Variants in SI observed in about 807,000 individuals in gnomAD.
SI encodes sucrase-isomaltase, also known as sucrase-isomaltase, intestinal.
A neutral mutation model predicts 253.3 loss-of-function variants in SI; 235 were observed. That is an observed-to-expected ratio of 0.93 (90% CI 0.83 to 1.03). The LOEUF is 1.03. Ranked by LOEUF, SI falls within the 50% of genes least tolerant of loss-of-function variation. The pLI is 0.00. For synonymous variants in SI, 819 were observed against 712.0 expected (o/e 1.15, Z -2.39); for missense variants, 2,442 against 2,211.1 (o/e 1.10, Z -2.09).
intron 12 of SI, 151 bp from the exon 13 acceptor site, chr3:165,055,458 T>C (rs370084554): frequency 3.6e-6 from 2 of 558,000 alleles, no homozygotes. Flanking sequence ...TACAAGAATA[T>C]CATGACTTTA....
At chr3:164,994,435 A>G (rs749056136) in intron 40 of SI, 30 bp from the exon 41 acceptor site, 1 of 1,606,776 alleles carries the variant, frequency 6.2e-7, no homozygotes, top group Admixed American at 1.7e-5. Context: ...CATAGTTATA[A>G]GCTTTGGTCC....
chr3:165,054,474 G>T (rs111632945), intron 13 of SI, among the ~76,000 whole-genome samples: 2,425 of 152,012 alleles, frequency 0.016, 67 homozygotes, highest in African/African-American at 0.055. Flanking sequence ...CCGGGTTCAA[G>T]CAATTCTTCT....
In SI at chr3:165,017,983, G is replaced by T. The variant is rs1348478311; in HGVS notation, c.3507C>A (p.Asn1169Lys). The change falls in exon 29 of 48, where the codon AAC becomes AAA. Residue 1169 changes from asparagine (N) to lysine (K), a missense_variant. Coordinates refer to ENST00000264382, the MANE Select transcript of SI (RefSeq NM_001041.4). ...TGATTGTTTTACCCATTGCATTGCT[G>T]TTGAGTAAGAAAACACCATGAGCAT... Reference protein sequence around the residue: ...EGNAHGVFLLNSNAMDVTFQP... With the variant: ...EGNAHGVFLLKSNAMDVTFQP... The T allele has an allele frequency of 6.2e-7, 1 of 1,608,538 alleles. No individual in the cohort carries two copies. Among genetic ancestry groups the T allele is most frequent in the Non-Finnish European group, 8.5e-7 (1 of 1,175,202 alleles).
At chr3:165,088,619 C>A in the SI span, among the ~76,000 whole-genome samples, 3 of 151,524 alleles carry the variant, frequency 2.0e-5, no homozygotes, top group South Asian at 2.1e-4. Flanking sequence ...CCAGCCTGGG[C>A]GACAGAGTGA....
intron 26 of SI, 132 bp downstream of exon 26, chr3:165,023,437 AT>A (rs1237769727): frequency 4.3e-6 from 3 of 700,846 alleles, no homozygotes; most frequent in Middle Eastern, 4.1e-4. Flanking sequence ...AGGAAAAAAT[AT>A]TTTTATAAAA....
intron 28 of SI, among the ~76,000 whole-genome samples, chr3:165,018,279 TATA>T (rs1275747640): frequency 1.3e-5 from 2 of 151,174 alleles, no homozygotes; most frequent in Non-Finnish European, 3.0e-5. Flanking sequence ...AATATGTTTC[TATA>T]ATATTTGTAT....
At chr3:165,060,119 T>A in intron 9 of SI, 92 bp from the exon 10 acceptor site, 3 of 1,067,998 alleles carry the variant, frequency 2.8e-6, no homozygotes, top group Non-Finnish European at 4.2e-6. Context: ...TTTTCTTATA[T>A]CTCTAAAATT....
At chr3:165,054,902 C>T (rs1713619769) in intron 13 of SI, among the ~76,000 whole-genome samples, 1 of 152,032 alleles carries the variant, frequency 6.6e-6, no homozygotes, top group Non-Finnish European at 1.5e-5. Flanking sequence ...AACTAATTTT[C>T]AGGTAAAGTA....
chr3:164,983,790 C>T (rs1307329491), intron 45 of SI, among the ~76,000 whole-genome samples: 1 of 151,678 alleles, frequency 6.6e-6, no homozygotes, highest in Non-Finnish European at 1.5e-5. Flanking sequence ...GCAGGTTCTC[C>T]CTATGTTGCC....
Position 165,062,400 on chromosome 3 carries a change from G to A in SI, c.991C>T (p.Pro331Ser), listed in dbSNP as rs201980143. 1.6e-5 allele frequency: 25 copies of A among 1,589,494 alleles called. No homozygotes were observed. Among genetic ancestry groups the A allele is most frequent in the Admixed American group, 5.0e-5 (3 of 59,804 alleles). Residue 331 changes from proline to serine, a missense_variant, in exon 9 of 48, where the codon CCA (proline) becomes TCA (serine). Coordinates refer to ENST00000264382, the MANE Select transcript of SI (RefSeq NM_001041.4). ...TGATACTGTTGAACTACTTGTTCTG[G>A]TGTATCTCCTAGAAGGATGTAAAAA... ...LDFYILLGDTPEQVVQQYQQL... is the reference protein window; with the variant it reads ...LDFYILLGDTSEQVVQQYQQL...
intron 40 of SI, among the ~76,000 whole-genome samples, chr3:164,995,323 C>T (rs769517488): frequency 1.3e-5 from 2 of 151,532 alleles, no homozygotes; most frequent in African/African-American, 4.8e-5. Flanking sequence ...GTATGTAATC[C>T]TATTGCTGGT....
At chr3:165,060,342 T>C (rs905929024) in intron 9 of SI, among the ~76,000 whole-genome samples, 2 of 151,858 alleles carry the variant, frequency 1.3e-5, no homozygotes, top group African/African-American at 4.8e-5. Context: ...AATAAGATAA[T>C]ACAAGAAAAG....
chr3:165,025,828 T>A (rs1711884072), intron 25 of SI, among the ~76,000 whole-genome samples: 2 of 151,376 alleles, frequency 1.3e-5, no homozygotes, highest in African/African-American at 4.8e-5. Flanking sequence ...CTACAGAAAC[T>A]GCTAAAAGGA....
intron 22 of SI, among the ~76,000 whole-genome samples, chr3:165,035,591 G>C (rs1011144245): frequency 2.7e-4 from 41 of 151,346 alleles, no homozygotes; most frequent in African/African-American, 7.5e-4. Context: ...TTTTCTTCTT[G>C]TTGTCCTTCC....
At chr3:165,084,694 A>G in the SI span, among the ~76,000 whole-genome samples, 1 of 151,890 alleles carries the variant, frequency 6.6e-6, no homozygotes, top group Admixed American at 6.6e-5. Context: ...TCCTACTTCC[A>G]TATTTTATTC....
chr3:164,991,092 T>G (rs1471871267), intron 44 of SI, among the ~76,000 whole-genome samples: 1 of 152,094 alleles, frequency 6.6e-6, no homozygotes, highest in African/African-American at 2.4e-5. Flanking sequence ...CTCCTACATG[T>G]GCAACATCTG....
chr3:165,068,663 G>C (rs564243776), intron 5 of SI, 59 bp downstream of exon 5: 115 of 1,256,382 alleles, frequency 9.2e-5, no homozygotes, highest in Non-Finnish European at 1.3e-4. Flanking sequence ...GTGAGCCACC[G>C]CGCCCAGCCC....
At chr3:165,036,970 GTT>G (rs959796228) in intron 21 of SI, among the ~76,000 whole-genome samples, 1 of 145,012 alleles carries the variant, frequency 6.9e-6, no homozygotes, top group Non-Finnish European at 1.5e-5. Flanking sequence ...AAGAAATATG[GTT>G]TTTTTTTTTA....
chr3:164,999,974 A>G (rs897141521), intron 37 of SI, among the ~76,000 whole-genome samples: 15 of 151,544 alleles, frequency 9.9e-5, no homozygotes, highest in Admixed American at 3.3e-4. Flanking sequence ...ATGGCCATTT[A>G]GGAATATTAA....
Sources: allele counts gnomAD v4.1 joint callset (sites outside exome capture counted in the v4.1 genomes callset), GRCh38; gene constraint gnomAD v4.1.1; transcripts MANE v1.5; gene names NCBI Gene and HGNC (gene_info 2026-07-23, HGNC 2026-07-21).